The following MECOM variants were observed in gnomAD, a reference collection of about 807,000 sequenced individuals.
MECOM encodes MDS1 and EVI1 complex locus.
A neutral mutation model predicts 116.3 loss-of-function variants in MECOM; 13 were observed. That is an observed-to-expected ratio of 0.11 (90% CI 0.07 to 0.18). MECOM has a LOEUF of 0.18. Ranked by LOEUF, MECOM falls within the 10% of genes least tolerant of loss-of-function variation. MECOM has a pLI of 1.00. For missense variants in MECOM, 1,299 were observed against 1,509.0 expected (o/e 0.86, Z 2.31); for synonymous variants, 528 against 535.2 (o/e 0.99, Z 0.19).
At chr3:169,577,472 C>T (rs1405313968) in intron 1 of MECOM, among the ~76,000 whole-genome samples, 1 of 98,330 alleles carries the variant, frequency 1.0e-5, no homozygotes, top group Non-Finnish European at 2.1e-5. Context: ...CGAAAAGTTG[C>T]CTTTTTTTTT....
intron 2 of MECOM, among the ~76,000 whole-genome samples, chr3:169,223,509 T>C (rs1166702022): frequency 6.6e-6 from 1 of 152,042 alleles, no homozygotes; most frequent in African/African-American, 2.4e-5. Flanking sequence ...TCCTATATTT[T>C]TAACAGGAGG....
chr3:169,124,278 T>A (rs1448629442), intron 5 of MECOM, among the ~76,000 whole-genome samples: 7 of 152,032 alleles, frequency 4.6e-5, no homozygotes, highest in Admixed American at 4.6e-4. Flanking sequence ...CACAATGATA[T>A]AAACAGCAGA....
chr3:169,562,172 G>GAAAAAAAAA (rs1762730895), intron 1 of MECOM, among the ~76,000 whole-genome samples: 1 of 86,956 alleles, frequency 1.2e-5, no homozygotes, highest in African/African-American at 4.4e-5. Flanking sequence ...AGGAAAGAAA[G>GAAAAAAAAA]AAAGAAAAAA....
At position 169,376,348 on chromosome 3, in the gene MECOM, GAAAT is replaced by G. The variant is rs547052839; in HGVS notation, c.375+4835_375+4838del. On this transcript the variant is annotated intron_variant, in intron 2 of 16. Transcript: ENST00000651503. The stretch of plus-strand genomic sequence containing the variant: ...AGCCAGGGCAATCAGGCAAGAGAAA[GAAAT>G]AAAGAGTATTCAAATAAGAAGAGAG... 1.4e-3 allele frequency among the ~76,000 whole-genome samples: 218 copies of G among 152,260 alleles called. 2 individuals carry two copies. Among genetic ancestry groups the G allele is most frequent in the African/African-American group, 4.7e-3 (194 of 41,552 alleles).
intron 1 of MECOM, among the ~76,000 whole-genome samples, chr3:169,620,943 G>A (rs1266057871): frequency 6.6e-6 from 1 of 152,192 alleles, no homozygotes; most frequent in Non-Finnish European, 1.5e-5. Context: ...AGGAAAAAGA[G>A]TGCAGGGCTT....
chr3:169,449,006 A>G (rs1745112094), intron 1 of MECOM, among the ~76,000 whole-genome samples: 1 of 152,278 alleles, frequency 6.6e-6, no homozygotes, highest in South Asian at 2.1e-4. Context: ...TAGCCAATCT[A>G]CCAGGAGTAG....
intron 2 of MECOM, among the ~76,000 whole-genome samples, chr3:169,330,660 T>A (rs1722570259): frequency 6.6e-6 from 1 of 152,134 alleles, no homozygotes; most frequent in African/African-American, 2.4e-5. Context: ...TAAGTTTTCT[T>A]GTGTTTTTTT....
chr3:169,144,987 A>G (rs760806853), intron 2 of MECOM: 13 of 1,562,824 alleles, frequency 8.3e-6, no homozygotes, highest in Non-Finnish European at 1.0e-5. Context: ...GATTCAAGTC[A>G]TTAACTCACC....
chr3:169,258,379 A>G (rs1757133035), intron 2 of MECOM, among the ~76,000 whole-genome samples: 1 of 152,240 alleles, frequency 6.6e-6, no homozygotes, highest in African/African-American at 2.4e-5. Flanking sequence ...TTCATTTTAC[A>G]GTTTGGAAAC....
At chr3:169,621,091 T>C (rs1396497870) in intron 1 of MECOM, among the ~76,000 whole-genome samples, 1 of 152,232 alleles carries the variant, frequency 6.6e-6, no homozygotes, top group African/African-American at 2.4e-5. Context: ...GCCTAAGATG[T>C]CTACTCTAGC....
rs75921804 is a variant in MECOM at position 169,315,304 on chromosome 3, C to T, written c.375+65883G>A. ...GAACCTAAATGTGAAACAGATGGGACCCAGACACTCATCCAAGTCTCACAC... is the reference window on the plus strand; with the variant it reads ...GAACCTAAATGTGAAACAGATGGGATCCAGACACTCATCCAAGTCTCACAC... On this transcript the variant is annotated intron_variant, in intron 2 of 16. Coordinates refer to ENST00000651503, the MANE Select transcript of MECOM (RefSeq NM_004991.4). Among the ~76,000 whole-genome samples, 1,211 of 152,276 alleles carry T rather than the reference C, an allele frequency of 8.0e-3. 15 individuals carry two copies. The highest frequency in any genetic ancestry group is 0.028 in the African/African-American group (1,163 of 41,554).
At chr3:169,172,257 C>A (rs902100669) in intron 2 of MECOM, among the ~76,000 whole-genome samples, 4 of 146,426 alleles carry the variant, frequency 2.7e-5, no homozygotes, top group African/African-American at 9.7e-5. Flanking sequence ...ATGGATTTAA[C>A]TTTTTCTTGT....
chr3:169,570,127 G>C (rs1402385316), intron 1 of MECOM, among the ~76,000 whole-genome samples: 2 of 151,960 alleles, frequency 1.3e-5, no homozygotes, highest in Non-Finnish European at 2.9e-5. Flanking sequence ...GAATCAAATA[G>C]ACACAATAAA....
intron 6 of MECOM, 152 bp from the exon 7 acceptor site, chr3:169,121,361 G>A (rs1172496931): frequency 1.4e-6 from 1 of 728,888 alleles, no homozygotes; most frequent in Non-Finnish European, 2.2e-6. Context: ...TTTCCAAAAT[G>A]TACTCTCCTC....
At chr3:169,596,386 T>G (rs577395475) in intron 1 of MECOM, among the ~76,000 whole-genome samples, 1 of 152,176 alleles carries the variant, frequency 6.6e-6, no homozygotes, top group Non-Finnish European at 1.5e-5. Context: ...ACGTAATATC[T>G]CTGAGGGCTG....
At chr3:169,314,484 G>A (rs1719379759) in intron 2 of MECOM, among the ~76,000 whole-genome samples, 1 of 152,198 alleles carries the variant, frequency 6.6e-6, no homozygotes, top group African/African-American at 2.4e-5. Context: ...ACTAAAATTA[G>A]TGTTTAATTA....
At chr3:169,094,540 C>A (rs1397762448) in intron 13 of MECOM, among the ~76,000 whole-genome samples, 4 of 152,284 alleles carry the variant, frequency 2.6e-5, no homozygotes, top group Middle Eastern at 3.4e-3. Flanking sequence ...GAATTTGTGA[C>A]AAAAACAAAG....
chr3:169,149,549 C>A, intron 2 of MECOM: 1 of 300,762 alleles, frequency 3.3e-6, no homozygotes, highest in South Asian at 2.7e-5. Context: ...CAGGTGAACC[C>A]GCCTCTGCCC....
chr3:169,150,172 G>A (rs1740968191), intron 2 of MECOM, among the ~76,000 whole-genome samples: 1 of 152,128 alleles, frequency 6.6e-6, no homozygotes, highest in South Asian at 2.1e-4. Context: ...TCTCATGAAA[G>A]GGTCTTCTTG....
Sources: allele counts gnomAD v4.1 joint callset (sites outside exome capture counted in the v4.1 genomes callset), GRCh38; gene constraint gnomAD v4.1.1; transcripts MANE v1.5; gene names NCBI Gene and HGNC (gene_info 2026-07-23, HGNC 2026-07-21).